MAML2: variants seen among roughly 807,000 people sequenced by gnomAD.
MAML2 encodes the protein mastermind like transcriptional coactivator 2, also known as mastermind-like protein 2.
MAML2 carries 22 observed loss-of-function variants against 96.1 expected under a neutral mutation model. The ratio of observed to expected loss-of-function variants is 0.23; its 90% CI spans 0.16 to 0.33. The LOEUF is 0.33. MAML2 is among the 10% of genes least tolerant of loss of function. The pLI is 1.00. For synonymous variants in MAML2, 561 were observed against 521.3 expected, an observed-to-expected ratio of 1.08 and a Z score of -1.04; for missense variants, 1,367 against 1,392.4, an observed-to-expected ratio of 0.98 and a Z score of 0.29.
intron 1 of MAML2, among the ~76,000 whole-genome samples, chr11:96,335,358 G>A (rs577781827): frequency 3.9e-5 from 6 of 152,304 alleles, no homozygotes; most frequent in African/African-American, 1.4e-4. Context: ...TACACATCAA[G>A]AGAGTATAAA....
chr11:96,295,668 G>T (rs1863285055), intron 1 of MAML2, among the ~76,000 whole-genome samples: 1 of 139,112 alleles, frequency 7.2e-6, no homozygotes, highest in Non-Finnish European at 1.5e-5. Flanking sequence ...AATTACTACT[G>T]CTCTGCTGCT....
chr11:96,152,945 C>T (rs1860947363), intron 1 of MAML2, among the ~76,000 whole-genome samples: 2 of 152,064 alleles, frequency 1.3e-5, no homozygotes, highest in Admixed American at 1.3e-4. Flanking sequence ...GTGGAGGAAC[C>T]AAGGAGGACA....
intron 2 of MAML2, among the ~76,000 whole-genome samples, chr11:96,062,156 C>CT (rs145770624): frequency 6.9e-4 from 104 of 151,368 alleles, no homozygotes; most frequent in Middle Eastern, 6.8e-3. Context: ...GAGTATGGTA[C>CT]TTTTTTTTTG....
At chr11:96,275,412 G>A (rs1862975425) in intron 1 of MAML2, among the ~76,000 whole-genome samples, 1 of 151,148 alleles carries the variant, frequency 6.6e-6, no homozygotes, top group Non-Finnish European at 1.5e-5. Context: ...CGAGTAGCTG[G>A]GACTATAGGC....
chr11:96,164,045 T>C (rs1861155241), intron 1 of MAML2, among the ~76,000 whole-genome samples: 1 of 151,640 alleles, frequency 6.6e-6, no homozygotes. Flanking sequence ...TGTTTTTTTT[T>C]GGTATTTTTA....
chr11:96,149,212 G>A (rs1432289887), intron 1 of MAML2, among the ~76,000 whole-genome samples: 2 of 151,838 alleles, frequency 1.3e-5, no homozygotes, highest in Non-Finnish European at 2.9e-5. Flanking sequence ...AGGAGTTTGA[G>A]ACCAGCCTGG....
At chr11:96,235,205 A>G (rs910388933) in intron 1 of MAML2, among the ~76,000 whole-genome samples, 2 of 152,130 alleles carry the variant, frequency 1.3e-5, no homozygotes, top group Non-Finnish European at 2.9e-5. Flanking sequence ...TTTCTCCTTT[A>G]GATCCAGAGC....
chr11:95,979,578 C>A lies in MAML2; in HGVS notation c.2841G>T (p.Met947Ile), dbSNP rs771625997. 4 of 1,613,740 alleles carry A rather than the reference C, an allele frequency of 2.5e-6. No homozygotes were observed. The highest frequency in any genetic ancestry group is 3.4e-6 in the Non-Finnish European group (4 of 1,179,882). ...RPNLTHSMASMPPQRTSNVMI... is the reference protein window; with the variant it reads ...RPNLTHSMASIPPQRTSNVMI... ...TTACGTTTGATGTTCTCTGTGGTGG[C>A]ATGCTTGCCATACTATGGGTTAAAT... Residue 947 changes from methionine (M) to isoleucine (I), a missense_variant, in exon 5 of 5, where the codon ATG becomes ATT. Coordinates refer to ENST00000524717, the MANE Select transcript of MAML2 (RefSeq NM_032427.4).
At chr11:95,988,270 T>G (rs1857859600) in intron 3 of MAML2, among the ~76,000 whole-genome samples, 1 of 151,820 alleles carries the variant, frequency 6.6e-6, no homozygotes, top group Admixed American at 6.6e-5. Flanking sequence ...ACTTTTTTTT[T>G]TCTTTTGAGA....
intron 1 of MAML2, among the ~76,000 whole-genome samples, chr11:96,313,439 T>G (rs1429222796): frequency 6.6e-6 from 1 of 152,124 alleles, no homozygotes; most frequent in Non-Finnish European, 1.5e-5. Context: ...ATTTCCCTTT[T>G]TTCACACTCC....
chr11:96,341,591 G>T lies in MAML2; in HGVS notation c.305C>A (p.Thr102Asn). The change falls in exon 1 of 5, where the codon ACT (threonine) becomes AAT (asparagine). Residue 102 changes from threonine (T) to asparagine (N), a missense_variant. Transcript: ENST00000524717. ...HTKATATAAT[T>N]TAPPPPPAAP... Reference sequence around the variant, plus strand: ...AGCAGGGGGCGGTGGAGGGGCTGTAGTGGTGGCAGCAGTGGCGGTGGCCTT... The same window carrying T: ...AGCAGGGGGCGGTGGAGGGGCTGTATTGGTGGCAGCAGTGGCGGTGGCCTT... 1 of 1,551,670 alleles carries T rather than the reference G, an allele frequency of 6.4e-7. No homozygotes were observed. The highest frequency in any genetic ancestry group is 8.7e-7 in the Non-Finnish European group (1 of 1,147,080).
At chr11:96,259,249 T>C (rs1218127967) in intron 1 of MAML2, among the ~76,000 whole-genome samples, 1 of 151,368 alleles carries the variant, frequency 6.6e-6, no homozygotes, top group Non-Finnish European at 1.5e-5. Context: ...TCTTTCCAGA[T>C]GTTTTTTTTC....
At position 96,160,578 on chromosome 11, in the gene MAML2, C is replaced by T. The variant is rs186247532; in HGVS notation, c.514-67061G>A. Among the ~76,000 whole-genome samples, 448 of 152,206 alleles carry T rather than the reference C, an allele frequency of 2.9e-3. 9 individuals carry two copies. The highest frequency in any genetic ancestry group is 0.019 in the Admixed American group (290 of 15,294). On this transcript the variant is annotated intron_variant, in intron 1 of 4. Transcript: ENST00000524717. ...GAGTAGCTGGGATTACAGGCGCCTG[C>T]CACTATGTCCAGCTAATTTTTCTAT...
At chr11:96,201,742 AC>A (rs1474310930) in intron 1 of MAML2, among the ~76,000 whole-genome samples, 1 of 151,460 alleles carries the variant, frequency 6.6e-6, no homozygotes, top group Non-Finnish European at 1.5e-5. Context: ...ACACGGTGAA[AC>A]CCCGTCTCTA....
intron 1 of MAML2, among the ~76,000 whole-genome samples, chr11:96,266,425 G>A (rs538804669): frequency 1.1e-4 from 16 of 152,174 alleles, no homozygotes; most frequent in African/African-American, 3.9e-4. Context: ...AAAAAAATTA[G>A]CTGGGCGTGG....
rs1196727048 is a variant in MAML2 at position 96,099,920 on chromosome 11, G to A, written c.514-6403C>T. The stretch of plus-strand genomic sequence containing the variant: ...CTCCCAAAGGTTATAGAGATTACAA[G>A]CATGAGCCACCATACTTGCCCATTG... On this transcript the variant is annotated intron_variant, in intron 1 of 4. Transcript: ENST00000524717. Among the ~76,000 whole-genome samples, 3 of 152,314 alleles carry A rather than the reference G, an allele frequency of 2.0e-5. No individual in the cohort carries two copies. In the East Asian group the frequency reaches 5.8e-4, roughly 29 times the overall value.
chr11:96,312,856 G>A (rs1863563713), intron 1 of MAML2, among the ~76,000 whole-genome samples: 1 of 152,186 alleles, frequency 6.6e-6, no homozygotes, highest in Admixed American at 6.5e-5. Context: ...GTTAGGAACT[G>A]TACTGTGACA....
At chr11:96,209,089 T>A (rs1448266788) in intron 1 of MAML2, among the ~76,000 whole-genome samples, 2 of 152,012 alleles carry the variant, frequency 1.3e-5, no homozygotes, top group Non-Finnish European at 2.9e-5. Flanking sequence ...CCCTAAGAAT[T>A]TGCATTTTTG....
intron 1 of MAML2, among the ~76,000 whole-genome samples, chr11:96,289,610 C>A (rs1423936349): frequency 6.6e-6 from 1 of 152,126 alleles, no homozygotes; most frequent in African/African-American, 2.4e-5. Flanking sequence ...ACATCTTGCT[C>A]TGGGTATTTA....
Sources: allele counts gnomAD v4.1 joint callset (sites outside exome capture counted in the v4.1 genomes callset), GRCh38; gene constraint gnomAD v4.1.1; transcripts MANE v1.5; gene names NCBI Gene and HGNC (gene_info 2026-07-23, HGNC 2026-07-21).